Variants in IGLON5 observed in about 807,000 individuals in gnomAD.
IGLON5 encodes IgLON family member 5.
A neutral mutation model predicts 38.2 loss-of-function variants in IGLON5; 16 were observed. That is an observed-to-expected ratio of 0.42 (90% confidence interval 0.28 to 0.64). IGLON5 has a LOEUF of 0.64. Among genes scored for constraint, IGLON5 ranks in the 30% least tolerant of loss-of-function variants. The probability of loss-of-function intolerance (pLI) is 0.23; values close to 1 mark genes in which losing one functional copy is unlikely to be tolerated. For synonymous variants in IGLON5, 207 were observed against 216.4 expected, an observed-to-expected ratio of 0.96 and a Z score of 0.38; for missense variants, 366 against 483.4, an observed-to-expected ratio of 0.76 and a Z score of 2.28.
chr19:51,318,172 G>A (rs1020140368), intron 1 of IGLON5, among the ~76,000 whole-genome samples: 1 of 152,212 alleles, frequency 6.6e-6, no homozygotes, highest in African/African-American at 2.4e-5. Context: ...TTGGGGTCTT[G>A]AAGAATGAGT....
In IGLON5 at chr19:51,326,799, T is replaced by G; in HGVS notation, c.547T>G (p.Ser183Ala). 2 of 1,550,120 alleles carry G rather than the reference T, an allele frequency of 1.3e-6. No homozygotes were observed. The highest frequency in any genetic ancestry group is 1.7e-6 in the Non-Finnish European group (2 of 1,146,870). Residue 183 changes from serine (S) to alanine (A), a missense_variant, in exon 5 of 8, where the codon TCT (serine) becomes GCT (alanine). Coordinates refer to ENST00000270642, the MANE Select transcript of IGLON5 (RefSeq NM_001101372.3). The stretch of plus-strand genomic sequence containing the variant: ...CTCGGAGGGAGAGATCCTGGAGATC[T>G]CTGACATCCAGCGGGGCCAGGCCGG... The part of the protein sequence containing the change: ...FTSEGEILEI[S>A]DIQRGQAGEY...
Position 51,324,600 on chromosome 19 carries a change from T to G in IGLON5, c.391+706T>G, listed in dbSNP as rs1985167517. ...GCCACCGTCCACCAGCCCAGGGACC[T>G]TGAGCAGGGAAGAGGCCCGGGACTC... On this transcript the variant is annotated intron_variant, in intron 3 of 7. Transcript: ENST00000270642. This position sits in a 1 kb window ranked among gnomAD's most constrained non-coding sequence, Gnocchi z 4.2. 6.6e-6 allele frequency among the ~76,000 whole-genome samples: 1 copy of G among 152,120 alleles called. No homozygotes were observed. Among genetic ancestry groups the G allele is most frequent in the African/African-American group, 2.4e-5 (1 of 41,410 alleles).
rs577006026 is a variant in IGLON5, at chr19:51,312,228, G to C, written c.79+302G>C. On this transcript the variant is annotated intron_variant, in intron 1 of 7. Transcript: ENST00000270642. ...CGCAGACACCTAGCCCTGCCTGGGG[G>C]CAGGAGTCTGCGGCTCCTGTTGAGG... Among the ~76,000 whole-genome samples the C allele has an allele frequency of 2.2e-4, 34 of 152,104 alleles. No individual in the cohort carries two copies. In the East Asian group the frequency reaches 6.6e-3, roughly 30 times the overall value.
intron 1 of IGLON5, among the ~76,000 whole-genome samples, chr19:51,315,521 GACCAAA>G (rs548617360): frequency 6.6e-6 from 1 of 152,044 alleles, no homozygotes; most frequent in Non-Finnish European, 1.5e-5. Context: ...AGAGATCAAA[GACCAAA>G]ACCAAAACCT....
At chr19:51,323,947 G>A in intron 3 of IGLON5, 53 bp downstream of exon 3, 1 of 1,254,022 alleles carries the variant, frequency 8.0e-7, no homozygotes, top group Non-Finnish European at 1.1e-6. Context: ...GCGTGGGGGA[G>A]ACTAGGCATG....
At chr19:51,317,627 G>C in intron 1 of IGLON5, among the ~76,000 whole-genome samples, 1 of 152,154 alleles carries the variant, frequency 6.6e-6, no homozygotes, top group East Asian at 1.9e-4. Flanking sequence ...ATACAGCCCT[G>C]CCCTCCCCGC....
chr19:51,320,046 T>TGCAC (rs1555751137), intron 1 of IGLON5, among the ~76,000 whole-genome samples: 1 of 151,390 alleles, frequency 6.6e-6, no homozygotes, highest in Non-Finnish European at 1.5e-5. Context: ...TGTGTGTGTG[T>TGCAC]GCACGCGCGT....
At chr19:51,319,932 G>A (rs1317688217) in intron 1 of IGLON5, among the ~76,000 whole-genome samples, 1 of 152,052 alleles carries the variant, frequency 6.6e-6, no homozygotes, top group Admixed American at 6.5e-5. Flanking sequence ...GTGTCTGTAT[G>A]ACTGTGTCTG....
intron 1 of IGLON5, among the ~76,000 whole-genome samples, chr19:51,319,684 T>C (rs1985007844): frequency 6.6e-6 from 1 of 152,198 alleles, no homozygotes; most frequent in Non-Finnish European, 1.5e-5. Flanking sequence ...GCAGCATTGC[T>C]TGGCCTGAAT....
intron 1 of IGLON5, among the ~76,000 whole-genome samples, chr19:51,320,200 G>A (rs1336321601): frequency 1.3e-5 from 2 of 152,186 alleles, no homozygotes; most frequent in Non-Finnish European, 2.9e-5. Flanking sequence ...TCTGGCATGA[G>A]GGGGCCCAGG....
chr19:51,312,070 T>G (rs191329997), intron 1 of IGLON5, 144 bp downstream of exon 1: 2 of 386,246 alleles, frequency 5.2e-6, no homozygotes, highest in Non-Finnish European at 8.6e-6. Flanking sequence ...GGCCCGGGGG[T>G]GGGGTCTGCA....
Position 51,327,075 on chromosome 19 carries a change from G to A in IGLON5, c.647-5G>A, listed in dbSNP as rs1985235576. The stretch of plus-strand genomic sequence containing the variant: ...GAGAATTCGCTGACCCTTGCCCCTC[G>A]CCAGATCCTCCGACCATCACGGACG... On this transcript the variant is annotated splice_region_variant and splice_polypyrimidine_tract_variant and intron_variant, in intron 5 of 7. Transcript: ENST00000270642. This position sits in a 1 kb window ranked among gnomAD's most constrained non-coding sequence, Gnocchi z 7.1. 2.5e-6 allele frequency: 4 copies of A among 1,604,214 alleles called. No individual in the cohort carries two copies. In the African/African-American group the frequency reaches 4.0e-5, roughly 16 times the overall value.
rs1482196582 is a variant in IGLON5, at chr19:51,311,809, C to T, written c.-39C>T. The T allele has an allele frequency of 6.8e-6, 3 of 441,456 alleles. No individual in the cohort carries two copies. The highest frequency in any genetic ancestry group is 6.4e-5 in the African/African-American group (3 of 47,174). The allele number at this position is 441,456 out of a possible 1,614,324, so 27.3% of individuals were successfully genotyped here. A position where few individuals can be genotyped will look rare whatever the true frequency, so the allele number is the denominator to read the frequency against. ...CAGGCCTCGCGCGCCCCGGACCGGC[C>T]CCCCCTTTCCCCTCCCCCTCCGCGC... On this transcript the variant is annotated 5_prime_UTR_variant, in exon 1 of 8. Coordinates refer to ENST00000270642, the MANE Select transcript of IGLON5 (RefSeq NM_001101372.3).
At chr19:51,328,031 C>G in intron 7 of IGLON5, 145 bp downstream of exon 7, 1 of 857,324 alleles carries the variant, frequency 1.2e-6, no homozygotes. Flanking sequence ...GAGTAAGAAA[C>G]CGATCCACGC....
chr19:51,312,883 C>A (rs1190190700), intron 1 of IGLON5, among the ~76,000 whole-genome samples: 1 of 152,032 alleles, frequency 6.6e-6, no homozygotes, highest in Non-Finnish European at 1.5e-5. Flanking sequence ...CCTAGATTTC[C>A]CCCTAAGAAA....
chr19:51,321,849 T>C (rs1250538706), intron 1 of IGLON5, among the ~76,000 whole-genome samples: 1 of 152,254 alleles, frequency 6.6e-6, no homozygotes, highest in African/African-American at 2.4e-5. Flanking sequence ...GCTGTGTGTG[T>C]ATCTCTGAAA....
At position 51,325,581 on chromosome 19, in the gene IGLON5, C is replaced by T; in HGVS notation, c.511+116C>T. The T allele has an allele frequency of 8.9e-7, 1 of 1,120,852 alleles. No individual in the cohort carries two copies. Among genetic ancestry groups the T allele is most frequent in the Non-Finnish European group, 1.2e-6 (1 of 810,460 alleles). 69.4% of individuals were successfully genotyped at this position (1,120,852 alleles called of 1,614,324 possible). A position where few individuals can be genotyped will look rare whatever the true frequency, so the allele number is the denominator to read the frequency against. ...CCCCTTCTCCCTGGCCCCTTGGCTT[C>T]CCCTCCCACTCTGCTTCCAGTTATT... On this transcript the variant is annotated intron_variant, in intron 4 of 7. Transcript: ENST00000270642. This position sits in a 1 kb window ranked among gnomAD's most constrained non-coding sequence, Gnocchi z 5.5.
At chr19:51,316,127 C>T (rs143917156) in intron 1 of IGLON5, among the ~76,000 whole-genome samples, 1,580 of 151,544 alleles carry the variant, frequency 0.01, 17 homozygotes, top group South Asian at 0.033. Context: ...AGGTGAATCA[C>T]CTGAGCTCAG....
rs1215727459 is a variant in IGLON5 at position 51,326,917 on chromosome 19, G to A, written c.646+19G>A. On this transcript the variant is annotated intron_variant, in intron 5 of 7. Transcript: ENST00000270642. ...GTCAACTGTGAGCCCCCCTGGCACT[G>A]GGCACGAAAGGGTGGCGGACCCCCG... is the stretch of plus-strand genomic sequence containing the variant. 1 of 1,570,652 alleles carries A rather than the reference G, an allele frequency of 6.4e-7. No individual in the cohort carries two copies. Among genetic ancestry groups the A allele is most frequent in the Non-Finnish European group, 8.6e-7 (1 of 1,158,134 alleles).
Sources: gnomAD v4.1 joint callset for allele counts (sites outside exome capture counted in the v4.1 genomes callset) on GRCh38, gnomAD v4.1.1 for gene constraint, Gnocchi (gnomAD v3.1) non-coding constraint, MANE v1.5 for transcripts, NCBI Gene and HGNC (gene_info 2026-07-23, HGNC 2026-07-21) for gene names.